Variants in ZNF536 observed in about 807,000 individuals in gnomAD.
ZNF536 encodes the protein zinc finger protein 536.
A neutral mutation model predicts 84.5 loss-of-function variants in ZNF536; 13 were observed. The ratio of observed to expected loss-of-function variants is 0.15; its 90% CI spans 0.10 to 0.24. The LOEUF is 0.24. Ranked by LOEUF, ZNF536 falls within the 10% of genes least tolerant of loss-of-function variation. ZNF536 has a pLI of 1.00. For synonymous variants in ZNF536, 811 were observed against 742.5 expected (o/e 1.09, Z -1.50); for missense variants, 1,536 against 1,747.5 (o/e 0.88, Z 2.16).
At chr19:30,484,112 C>G (rs1339899571) in intron 2 of ZNF536, among the ~76,000 whole-genome samples, 2 of 152,096 alleles carry the variant, frequency 1.3e-5, no homozygotes, top group African/African-American at 4.8e-5. Context: ...TGTTCTCTCT[C>G]TCACTCCCTC....
chr19:30,562,047 G>A (rs73026775), downstream of ZNF536, among the ~76,000 whole-genome samples: 12,065 of 152,222 alleles, frequency 0.079, 677 homozygotes, highest in Non-Finnish European at 0.12. Context: ...AAAGACTGGC[G>A]GGCTGGTCTG....
chr19:30,624,708 G>A (rs1238185899), intron 1 of ZNF536, among the ~76,000 whole-genome samples: 1 of 152,104 alleles, frequency 6.6e-6, no homozygotes, highest in Non-Finnish European at 1.5e-5. Flanking sequence ...GTGTGTCCTT[G>A]GAATACCAGG....
At chr19:30,255,916 T>C (rs1439892703) in intron 1 of ZNF536, among the ~76,000 whole-genome samples, 1 of 152,194 alleles carries the variant, frequency 6.6e-6, no homozygotes, top group Non-Finnish European at 1.5e-5. Context: ...CCTTGGAAAC[T>C]GCTGCAGTGC....
rs144470561 is a variant in ZNF536 at position 30,557,512 on chromosome 19, G to A, written c.*348G>A. ...CCCTTCACCTGTGGACAACCTGGCT[G>A]GGGGTGGGGGGCTGTTCCACCAGCT... is the stretch of plus-strand genomic sequence containing the variant. On this transcript the variant is annotated 3_prime_UTR_variant, in exon 5 of 5. Coordinates refer to ENST00000355537, the MANE Select transcript of ZNF536 (RefSeq NM_014717.3). 4.7e-3 allele frequency: 1,004 copies of A among 213,350 alleles called. 12 individuals are homozygous for A. Among genetic ancestry groups the A allele is most frequent in the African/African-American group, 0.022 (959 of 43,622 alleles). The allele number at this position is 213,350 out of a possible 1,614,324, so 13.2% of individuals were successfully genotyped here.
chr19:30,557,408 A>G lies in ZNF536; in HGVS notation c.*244A>G. ...TTCCAGTATTAGTCATGGATTGCAA[A>G]GGCTTAGTAACTTGAGCAGGAGAGA... On this transcript the variant is annotated 3_prime_UTR_variant, in exon 5 of 5. Transcript: ENST00000355537. 2 of 386,198 alleles carry G rather than the reference A, an allele frequency of 5.2e-6. No homozygotes were observed. The highest frequency in any genetic ancestry group is 9.3e-6 in the Non-Finnish European group (2 of 214,958). The allele number at this position is 386,198 out of a possible 1,614,324, so 23.9% of individuals were successfully genotyped here. A position where few individuals can be genotyped will look rare whatever the true frequency, so the allele number is the denominator to read the frequency against.
intron 1 of ZNF536, among the ~76,000 whole-genome samples, chr19:30,230,502 C>G (rs75053785): frequency 1.3e-5 from 2 of 152,158 alleles, no homozygotes; most frequent in Non-Finnish European, 2.9e-5. Context: ...AACTGCTGGC[C>G]GGGCTGTCTT....
In ZNF536 at chr19:30,391,745, C is replaced by G. The variant is rs2049599526; in HGVS notation, c.-3+19189C>G. On this transcript the variant is annotated intron_variant, in intron 1 of 4. Coordinates refer to ENST00000355537, the MANE Select transcript of ZNF536 (RefSeq NM_014717.3). ...AAAGGCACACACAGAAAAAGAAAAA[C>G]ATGCTTTCAAATTCACTGACAAACA... 2.0e-5 allele frequency among the ~76,000 whole-genome samples: 3 copies of G among 152,144 alleles called. No homozygotes were observed. The South Asian group carries it at 6.2e-4, about 32-fold the overall frequency.
intron 2 of ZNF536, among the ~76,000 whole-genome samples, chr19:30,456,335 G>A (rs2052844504): frequency 7.7e-6 from 1 of 129,162 alleles, no homozygotes; most frequent in South Asian, 2.4e-4. Context: ...TTTTGCCTGA[G>A]ATGCAACCTC....
At chr19:30,516,626 G>T (rs892430177) in intron 2 of ZNF536, among the ~76,000 whole-genome samples, 5 of 152,146 alleles carry the variant, frequency 3.3e-5, no homozygotes, top group Non-Finnish European at 7.4e-5. Flanking sequence ...CCAGCCCTTC[G>T]CTCGGCTCTG....
intron 1 of ZNF536, among the ~76,000 whole-genome samples, chr19:30,264,334 G>A (rs76831093): frequency 0.015 from 2,221 of 152,108 alleles, 60 homozygotes; most frequent in African/African-American, 0.051. Flanking sequence ...AATGCTGTGG[G>A]GGAGGGGGTT....
At chr19:30,281,974 A>G (rs2045463067) in intron 1 of ZNF536, among the ~76,000 whole-genome samples, 1 of 152,146 alleles carries the variant, frequency 6.6e-6, no homozygotes, top group Admixed American at 6.5e-5. Flanking sequence ...TGTTATGTCT[A>G]AATACAAGTC....
rs535585115 is a variant in ZNF536 at position 30,643,718 on chromosome 19, C to T, written c.170-67039C>T. Among the ~76,000 whole-genome samples the T allele has an allele frequency of 2.6e-5, 4 of 152,186 alleles. 1 individual carries two copies. The South Asian group carries it at 8.3e-4, about 32-fold the overall frequency. On this transcript the variant is annotated intron_variant, in intron 1 of 1. Coordinates refer to the ZNF536 transcript ENST00000592773. ...CATGGAGGTGGGAGGTGAGTTTTCA[C>T]GTACATTGTATGTTCACTTAGGGTA...
chr19:30,270,065 A>G (rs866594007), intron 1 of ZNF536, among the ~76,000 whole-genome samples: 33 of 152,228 alleles, frequency 2.2e-4, no homozygotes, highest in African/African-American at 7.2e-4. Context: ...GAATTCATCC[A>G]AGTCATCAGA....
chr19:30,535,041 G>A (rs1272826378), intron 3 of ZNF536, 42 bp downstream of exon 3: 4 of 1,572,614 alleles, frequency 2.5e-6, no homozygotes, highest in East Asian at 2.3e-5. Context: ...CCCAGAGAAG[G>A]AGGAGGTCCC....
At chr19:30,320,034 C>G (rs762976818) in intron 2 of ZNF536, among the ~76,000 whole-genome samples, 1 of 152,118 alleles carries the variant, frequency 6.6e-6, no homozygotes, top group Non-Finnish European at 1.5e-5. Context: ...ATCCTTTTGC[C>G]ATTGGACAGG....
chr19:30,386,288 A>T (rs2049339354), intron 1 of ZNF536, among the ~76,000 whole-genome samples: 1 of 152,162 alleles, frequency 6.6e-6, no homozygotes, highest in Non-Finnish European at 1.5e-5. Flanking sequence ...CCCCTCACTC[A>T]GCTGAGCTTT....
intron 2 of ZNF536, among the ~76,000 whole-genome samples, chr19:30,508,731 A>G (rs1350964086): frequency 6.6e-6 from 1 of 151,310 alleles, no homozygotes; most frequent in African/African-American, 2.4e-5. Flanking sequence ...CACACCAACC[A>G]GGAAATTAAA....
upstream of ZNF536, among the ~76,000 whole-genome samples, chr19:30,371,915 C>A (rs2048625317): frequency 6.6e-6 from 1 of 151,710 alleles, no homozygotes; most frequent in Non-Finnish European, 1.5e-5. Flanking sequence ...ATAGATTCTT[C>A]CTTAAGTGTC....
At chr19:30,249,406 C>T (rs115979313) in intron 1 of ZNF536, among the ~76,000 whole-genome samples, 2,381 of 152,118 alleles carry the variant, frequency 0.016, 61 homozygotes, top group African/African-American at 0.054. Flanking sequence ...TATTTTAACA[C>T]GCCCTTGTGG....
Sources: allele counts gnomAD v4.1 joint callset (sites outside exome capture counted in the v4.1 genomes callset), GRCh38; gene constraint gnomAD v4.1.1; transcripts MANE v1.5; gene names NCBI Gene and HGNC (gene_info 2026-07-23, HGNC 2026-07-21).